PPIL4: variants seen among roughly 807,000 people sequenced by gnomAD.
PPIL4 encodes peptidylprolyl isomerase like 4, also known as peptidyl-prolyl cis-trans isomerase-like 4.
A neutral mutation model predicts 69.1 loss-of-function variants in PPIL4; 50 were observed. That is an observed-to-expected ratio of 0.72 (90% CI 0.58 to 0.92). PPIL4 has a LOEUF of 0.92. Among genes scored for constraint, PPIL4 ranks in the 40% least tolerant of loss-of-function variants. The pLI is 0.00. For synonymous variants in PPIL4, 193 were observed against 191.6 expected (o/e 1.01, Z -0.06); for missense variants, 480 against 587.9 (o/e 0.82, Z 1.90).
chr6:149,505,685 C>A lies in PPIL4; in HGVS notation c.1247G>T (p.Gly416Val). The change falls in exon 13 of 13, where the codon GGG (glycine) becomes GTG (valine). Residue 416 changes from glycine to valine, a missense_variant. Physicochemically the swap from Gly to Val is moderately radical, Grantham distance 109. Transcript: ENST00000253329. ...NTNQDIYREM[G>V]FGHYEEEESC... Reference sequence around the variant, plus strand: ...TTCTTCTTCTTCATAGTGACCAAACCCCATTTCTCTATAGATATCCTGTCA... The same window carrying A: ...TTCTTCTTCTTCATAGTGACCAAACACCATTTCTCTATAGATATCCTGTCA... 2 of 1,613,448 alleles carry A rather than the reference C, an allele frequency of 1.2e-6. No individual in the cohort carries two copies. Among genetic ancestry groups the A allele is most frequent in the Non-Finnish European group, 8.5e-7 (1 of 1,179,572 alleles).
At position 149,512,182 on chromosome 6, in the gene PPIL4, G is replaced by A. The variant is rs149512214; in HGVS notation, c.1200C>T (p.Asp400=). 3.3e-4 allele frequency: 532 copies of A among 1,612,232 alleles called. 1 individual carries two copies. The highest frequency in any genetic ancestry group is 3.3e-4 in the Admixed American group (20 of 59,702). ...HHCSEEKEDE[D]YMPIKNTNQD... is the part of the protein sequence containing the mutation. ...GATTAGTATTTTTGATTGGCATGTA[G>A]TCCTCATCTTCTTTCTCTTCAGAAC... Residue 400 remains aspartate, a synonymous_variant, in exon 12 of 13, where the codon GAC becomes GAT. Coordinates refer to ENST00000253329, the MANE Select transcript of PPIL4 (RefSeq NM_139126.4).
chr6:149,506,409 T>G (rs1776771376), intron 12 of PPIL4, among the ~76,000 whole-genome samples: 1 of 152,042 alleles, frequency 6.6e-6, no homozygotes, highest in Admixed American at 6.6e-5. Flanking sequence ...GAGGCAGAGG[T>G]TGCGGTGAGC....
Position 149,534,729 on chromosome 6 carries a change from A to G in PPIL4, c.510T>C (p.Pro170=). The change falls in exon 6 of 13, where the codon CCT becomes CCC. Residue 170 remains proline (P), a synonymous_variant. Transcript: ENST00000253329. ...VILDDPFDDP[P]DLLIPDRSPE... ...GTGATCGATCAGGGATTAATAAATC[A>G]GGAGGGTCATCAAATGGATCATCTA... 1 of 1,599,598 alleles carries G rather than the reference A, an allele frequency of 6.3e-7. No individual in the cohort carries two copies. The highest frequency in any genetic ancestry group is 8.5e-7 in the Non-Finnish European group (1 of 1,170,268).
At chr6:149,533,423 T>G in intron 7 of PPIL4, 35 bp downstream of exon 7, 1 of 1,132,262 alleles carries the variant, frequency 8.8e-7, no homozygotes, top group Non-Finnish European at 1.3e-6. Flanking sequence ...ATTAGATATA[T>G]TACAGAACAA....
chr6:149,508,690 A>G (rs1256295404), intron 12 of PPIL4, among the ~76,000 whole-genome samples: 1 of 152,220 alleles, frequency 6.6e-6, no homozygotes. Context: ...AATACTTCTC[A>G]GCAAGGCAAC....
chr6:149,521,315 A>T lies in PPIL4; in HGVS notation c.871-144T>A, dbSNP rs532761858. ...CACCCGATGCTGTTAAATGCTTTGT[A>T]TCTATTACCTCAAATACCTCTGGTA... On this transcript the variant is annotated intron_variant, in intron 9 of 12. Coordinates refer to ENST00000253329, the MANE Select transcript of PPIL4 (RefSeq NM_139126.4). 1.2e-4 allele frequency: 74 copies of T among 609,806 alleles called. 1 individual carries two copies. In the South Asian group the frequency reaches 1.3e-3, roughly 11 times the overall value. The allele number at this position is 609,806 out of a possible 1,614,324, so 37.8% of individuals were successfully genotyped here.
intron 8 of PPIL4, among the ~76,000 whole-genome samples, chr6:149,525,806 A>T (rs1453360602): frequency 6.6e-6 from 1 of 152,124 alleles, no homozygotes; most frequent in Non-Finnish European, 1.5e-5. Context: ...CATTTTAAAA[A>T]CCTCATTTTA....
Position 149,533,444 on chromosome 6 carries a change from G to A in PPIL4, c.678+14C>T, listed in dbSNP as rs780257020. 25 of 1,341,568 alleles carry A rather than the reference G, an allele frequency of 1.9e-5. No homozygotes were observed. The highest frequency in any genetic ancestry group is 2.6e-5 in the Non-Finnish European group (24 of 933,210). The allele number at this position is 1,341,568 out of a possible 1,614,324, so 83.1% of individuals were successfully genotyped here. On this transcript the variant is annotated intron_variant, in intron 7 of 12. Coordinates refer to ENST00000253329, the MANE Select transcript of PPIL4 (RefSeq NM_139126.4). ...TATATTACAGAACAATTTGAACAAA[G>A]ATAATTATCTTACCATCTCCAAAAG...
rs1652565508 is a variant in PPIL4, at chr6:149,505,051, G to A, written c.*402C>T. On this transcript the variant is annotated 3_prime_UTR_variant, in exon 13 of 13. Coordinates refer to ENST00000253329, the MANE Select transcript of PPIL4 (RefSeq NM_139126.4). Reference sequence around the variant, plus strand: ...CACAAAATTCCAAATAATTATTTGAGAGGGAGAGGGCCTTAGGGAACTTCT... The same window carrying A: ...CACAAAATTCCAAATAATTATTTGAAAGGGAGAGGGCCTTAGGGAACTTCT... The A allele has an allele frequency of 6.5e-6, 1 of 154,290 alleles. No homozygotes were observed. Among genetic ancestry groups the A allele is most frequent in the South Asian group, 2.0e-4 (1 of 4,930 alleles). The allele number at this position is 154,290 out of a possible 1,614,324, so 9.6% of individuals were successfully genotyped here.
At chr6:149,535,795 ATCAGTT>A in intron 4 of PPIL4, 57 bp from the exon 5 acceptor site, 1 of 1,299,886 alleles carries the variant, frequency 7.7e-7, no homozygotes. Context: ...TCAAACTGAA[ATCAGTT>A]ACAGACTGAC....
rs771696094 is a variant in PPIL4 at position 149,525,250 on chromosome 6, A to AG, written c.804-42dup. ...TAAAAGTGACTTAAAAAAAAAAAAA[A>AG]GGAAGAAAGCATTCACTCTCACTCT... is the stretch of plus-strand genomic sequence containing the variant. On this transcript the variant is annotated intron_variant, in intron 8 of 12. Transcript: ENST00000253329. 148 of 1,052,994 alleles carry AG rather than the reference A, an allele frequency of 1.4e-4. No individual in the cohort carries two copies. The African/African-American group carries it at 2.2e-3, about 16-fold the overall frequency. 65.2% of individuals were successfully genotyped at this position (1,052,994 alleles called of 1,614,324 possible).
At chr6:149,536,341 T>G (rs1220717808) in intron 4 of PPIL4, among the ~76,000 whole-genome samples, 1 of 152,166 alleles carries the variant, frequency 6.6e-6, no homozygotes, top group East Asian at 1.9e-4. Flanking sequence ...CATCTCTTAC[T>G]TTAAATCAAA....
chr6:149,512,423 A>G, intron 11 of PPIL4, 121 bp from the exon 12 acceptor site: 1 of 647,464 alleles, frequency 1.5e-6, no homozygotes, highest in Non-Finnish European at 2.6e-6. Flanking sequence ...GCATCTCAAA[A>G]GAATATAGTA....
rs543738656 is a variant in PPIL4, at chr6:149,526,645, G to A, written c.803+7C>T. On this transcript the variant is annotated splice_region_variant and intron_variant, in intron 8 of 12. Transcript: ENST00000253329. ...TAAATATCTCTTTCACTAATTCTAA[G>A]GATTACCTTCTTATTGGCCCAAATC... The A allele has an allele frequency of 1.3e-5, 21 of 1,603,048 alleles. No homozygotes were observed. The African/African-American group carries it at 2.4e-4, about 18-fold the overall frequency.
At chr6:149,539,124 G>A (rs1777323377) in intron 4 of PPIL4, among the ~76,000 whole-genome samples, 2 of 152,198 alleles carry the variant, frequency 1.3e-5, no homozygotes, top group African/African-American at 4.8e-5. Flanking sequence ...TGGGACTACA[G>A]GCATGAGCCA....
chr6:149,512,178 T>G lies in PPIL4; in HGVS notation c.1204A>C (p.Met402Leu), dbSNP rs1205861217. The G allele has an allele frequency of 1.2e-6, 2 of 1,612,282 alleles. No individual in the cohort carries two copies. The highest frequency in any genetic ancestry group is 1.7e-6 in the Non-Finnish European group (2 of 1,179,208). The part of the protein sequence containing the change: ...CSEEKEDEDY[M>L]PIKNTNQDIY... ...ACCTGATTAGTATTTTTGATTGGCA[T>G]GTAGTCCTCATCTTCTTTCTCTTCA... The change falls in exon 12 of 13, where the codon ATG (methionine) becomes CTG (leucine). Residue 402 changes from methionine to leucine, a missense_variant. Met to Leu is a conservative substitution (Grantham distance 15). Transcript: ENST00000253329.
At chr6:149,513,385 CAAAAAAAAA>C (rs1170985851) in intron 11 of PPIL4, among the ~76,000 whole-genome samples, 2 of 41,546 alleles carry the variant, frequency 4.8e-5, no homozygotes, top group East Asian at 7.8e-4. Flanking sequence ...GACTCAGTCT[CAAAAAAAAA>C]AAAAAAAAAA....
chr6:149,522,846 C>T (rs369340299), intron 9 of PPIL4, among the ~76,000 whole-genome samples: 2 of 152,038 alleles, frequency 1.3e-5, no homozygotes, highest in African/African-American at 4.8e-5. Flanking sequence ...CTCTTGACCT[C>T]GTGATCCACC....
At position 149,541,050 on chromosome 6, in the gene PPIL4, A is replaced by G. The variant is rs756073889; in HGVS notation, c.213T>C (p.Tyr71=). 15 of 1,602,056 alleles carry G rather than the reference A, an allele frequency of 9.4e-6. No homozygotes were observed. The highest frequency in any genetic ancestry group is 1.2e-5 in the Non-Finnish European group (14 of 1,170,238). ...RGGESIFGQL[Y]GDQASFFEAE... ...CCTCAAAAAAGCTTGCTTGATCACC[A>G]TACAGTTGGCTGAAAAAACATATAA... Residue 71 remains tyrosine (Y), a synonymous_variant, in exon 4 of 13, where the codon TAT becomes TAC. Coordinates refer to ENST00000253329, the MANE Select transcript of PPIL4 (RefSeq NM_139126.4).
Sources: gnomAD v4.1 joint callset for allele counts (sites outside exome capture counted in the v4.1 genomes callset) on GRCh38, gnomAD v4.1.1 for gene constraint, MANE v1.5 for transcripts, NCBI Gene and HGNC (gene_info 2026-07-23, HGNC 2026-07-21) for gene names.